SERPINA3: variants seen among roughly 807,000 people sequenced by gnomAD.
The protein encoded by SERPINA3 is serpin family A member 3.
Under a neutral mutation model 26.8 loss-of-function variants are expected in SERPINA3, and 32 were observed. The ratio of observed to expected loss-of-function variants is 1.20; its 90% CI spans 0.90 to 1.61. SERPINA3 has a LOEUF of 1.61. Ranked by LOEUF, SERPINA3 falls within the 40% of genes most tolerant of loss-of-function variation. The pLI is 0.00. For synonymous variants in SERPINA3, 252 were observed against 206.4 expected, an observed-to-expected ratio of 1.22 and a Z score of -1.89; for missense variants, 632 against 517.9, an observed-to-expected ratio of 1.22 and a Z score of -2.14.
Position 94,622,496 on chromosome 14 carries a change from G to C in SERPINA3, c.1068+5G>C. 6.2e-7 allele frequency: 1 copy of C among 1,614,014 alleles called. No individual in the cohort carries two copies. Among genetic ancestry groups the C allele is most frequent in the Non-Finnish European group, 8.5e-7 (1 of 1,179,968 alleles). ...AGGAACCTAGCAGTCTCCCAGGTGA[G>C]TCTTTAGACTTGGGTCAATTCATCC... On this transcript the variant is annotated splice_donor_5th_base_variant and intron_variant, in intron 4 of 4. Coordinates refer to ENST00000393078, the MANE Select transcript of SERPINA3 (RefSeq NM_001085.5).
chr14:94,622,690 C>G (rs1198098298), intron 4 of SERPINA3, 199 bp downstream of exon 4: 2 of 646,320 alleles, frequency 3.1e-6, no homozygotes, highest in Admixed American at 4.4e-5. Context: ...GGGGTTGAGC[C>G]TCTACAACAT....
Position 94,619,430 on chromosome 14 carries a change from A to C in SERPINA3, c.879A>C (p.Pro293=). The change falls in exon 3 of 5, where the codon CCA becomes CCC. Residue 293 remains proline (P), a synonymous_variant. Coordinates refer to ENST00000393078, the MANE Select transcript of SERPINA3 (RefSeq NM_001085.5). The stretch of plus-strand genomic sequence containing the variant: ...AGGAAGTGGAAGCCATGCTGCTCCC[A>C]GAGACCCTGAAGCGGTGGAGAGACT... ...KMEEVEAMLL[P]ETLKRWRDSL... 1 of 1,614,170 alleles carries C rather than the reference A, an allele frequency of 6.2e-7. No homozygotes were observed. Among genetic ancestry groups the C allele is most frequent in the East Asian group, 2.2e-5 (1 of 44,866 alleles).
At chr14:94,616,394 G>C (rs986288787) in intron 2 of SERPINA3, among the ~76,000 whole-genome samples, 1 of 152,216 alleles carries the variant, frequency 6.6e-6, no homozygotes, top group African/African-American at 2.4e-5. Flanking sequence ...TGCCAGTTTT[G>C]CTCCCTGCCT....
At chr14:94,619,737 C>A in intron 3 of SERPINA3, 1 of 526,358 alleles carries the variant, frequency 1.9e-6, no homozygotes, top group Non-Finnish European at 3.4e-6. Flanking sequence ...CCCAAACACT[C>A]ATGCATGGTT....
chr14:94,615,651 A>T (rs1367009332), intron 2 of SERPINA3: 8 of 309,760 alleles, frequency 2.6e-5, no homozygotes, highest in South Asian at 7.6e-5. Context: ...TAATTATTTT[A>T]AAAAATATGT....
Position 94,612,414 on chromosome 14 carries a change from GAA to G in SERPINA3, c.-41_-40del, listed in dbSNP as rs1566845281. 1 of 1,366,078 alleles carries G rather than the reference GAA, an allele frequency of 7.3e-7. No homozygotes were observed. Among genetic ancestry groups the G allele is most frequent in the South Asian group, 1.1e-5 (1 of 87,856 alleles). 84.6% of individuals were successfully genotyped at this position (1,366,078 alleles called of 1,614,324 possible). On this transcript the variant is annotated 5_prime_UTR_variant, in exon 1 of 5. Transcript: ENST00000393078. The stretch of plus-strand genomic sequence containing the variant: ...CCACTACTCCAGACAGACGGCTTTG[GAA>G]TCCACCAGCTACATCCAGCTCCCTG...
chr14:94,615,682 G>A (rs774636063), intron 2 of SERPINA3, among the ~76,000 whole-genome samples: 11 of 152,226 alleles, frequency 7.2e-5, no homozygotes, highest in Non-Finnish European at 1.2e-4. Flanking sequence ...TAACAAATGA[G>A]GGCAGAAATG....
At position 94,619,497 on chromosome 14, in the gene SERPINA3, A is replaced by G. The variant is rs768096820; in HGVS notation, c.917+29A>G. ...ATTCTTCCTGGCCCCCAAAGACCCC[A>G]CATCTCTCCACGTCAAGGTCTCACC... On this transcript the variant is annotated intron_variant, in intron 3 of 4. Coordinates refer to ENST00000393078, the MANE Select transcript of SERPINA3 (RefSeq NM_001085.5). The G allele has an allele frequency of 7.4e-6, 12 of 1,613,224 alleles. No individual in the cohort carries two copies. In the Admixed American group the frequency reaches 1.2e-4, roughly 16 times the overall value.
Position 94,623,836 on chromosome 14 carries a change from G to GCT in SERPINA3, c.*26_*27dup, listed in dbSNP as rs1202813409. 6.2e-7 allele frequency: 1 copy of GCT among 1,607,688 alleles called. No individual in the cohort carries two copies. The highest frequency in any genetic ancestry group is 1.3e-5 in the African/African-American group (1 of 74,800). ...CTAGAGCTTGCCATCAAGCAGTGGG[G>GCT]CTCTCAGTAAGGAACTTGGAATGCA... On this transcript the variant is annotated 3_prime_UTR_variant, in exon 5 of 5. Coordinates refer to ENST00000393078, the MANE Select transcript of SERPINA3 (RefSeq NM_001085.5).
chr14:94,615,278 C>A (rs1885951052), intron 2 of SERPINA3, among the ~76,000 whole-genome samples, 194 bp downstream of exon 2: 1 of 152,252 alleles, frequency 6.6e-6, no homozygotes, highest in Non-Finnish European at 1.5e-5. Context: ...TACAGTTTGT[C>A]CTTGGAAGAC....
rs550775093 is a variant in SERPINA3 at position 94,614,869 on chromosome 14, T to G, written c.428T>G (p.Val143Gly). The G allele has an allele frequency of 6.2e-7, 1 of 1,614,150 alleles. No homozygotes were observed. The highest frequency in any genetic ancestry group is 2.2e-5 in the East Asian group (1 of 44,870). ...LQLSMGNAMFVKEQLSLLDRF... is the reference protein window; with the variant it reads ...LQLSMGNAMFGKEQLSLLDRF... Reference sequence around the variant, plus strand: ...CTGAGTATGGGAAATGCCATGTTTGTCAAAGAGCAACTCAGTCTGCTGGAC... The same window carrying G: ...CTGAGTATGGGAAATGCCATGTTTGGCAAAGAGCAACTCAGTCTGCTGGAC... The change falls in exon 2 of 5, where the codon GTC (valine) becomes GGC (glycine). Residue 143 changes from valine to glycine, a missense_variant. Transcript: ENST00000393078.
At position 94,622,423 on chromosome 14, in the gene SERPINA3, G is replaced by A; in HGVS notation, c.1000G>A (p.Glu334Lys). Residue 334 changes from glutamate (E) to lysine (K), a missense_variant, in exon 4 of 5, where the codon GAG (glutamate) becomes AAG (lysine). Coordinates refer to ENST00000393078, the MANE Select transcript of SERPINA3 (RefSeq NM_001085.5). ...LNDILLQLGI[E>K]EAFTSKADLS... ...CGACATACTTCTCCAGCTGGGCATT[G>A]AGGAAGCCTTCACCAGCAAGGCTGA... is the stretch of plus-strand genomic sequence containing the variant. The A allele has an allele frequency of 1.6e-5, 26 of 1,614,132 alleles. No individual in the cohort carries two copies. Among genetic ancestry groups the A allele is most frequent in the Non-Finnish European group, 2.1e-5 (25 of 1,180,016 alleles).
Position 94,619,265 on chromosome 14 carries a change from G to A in SERPINA3, c.714G>A (p.Trp238Ter). The change falls in exon 3 of 5, where the codon TGG (tryptophan) becomes TGA (stop). Residue 238 changes from tryptophan to a stop codon, truncating the protein, a stop_gained. Transcript: ENST00000393078. LOFTEE classifies it high-confidence loss of function. ...QSRFYLSKKK[W>*]VMVPMMSLHH... The stretch of plus-strand genomic sequence containing the variant: ...GGTTCTACTTGAGCAAGAAAAAGTG[G>A]GTAATGGTGCCCATGATGAGTTTGC... 6.2e-7 allele frequency: 1 copy of A among 1,614,106 alleles called. No homozygotes were observed. The highest frequency in any genetic ancestry group is 8.5e-7 in the Non-Finnish European group (1 of 1,180,002).
intron 3 of SERPINA3, among the ~76,000 whole-genome samples, chr14:94,620,684 A>T (rs1188089158): frequency 6.6e-6 from 1 of 152,222 alleles, no homozygotes; most frequent in East Asian, 1.9e-4. Flanking sequence ...GGGATCCAGG[A>T]GGGAGCCATG....
intron 3 of SERPINA3, 91 bp from the exon 4 acceptor site, chr14:94,622,250 G>T (rs991831633): frequency 8.2e-7 from 1 of 1,217,792 alleles, no homozygotes; most frequent in East Asian, 2.3e-5. Context: ...GGTGACTGTA[G>T]AGGAAACCAG....
intron 1 of SERPINA3, among the ~76,000 whole-genome samples, chr14:94,612,719 C>T (rs531275509): frequency 1.3e-5 from 2 of 152,300 alleles, no homozygotes; most frequent in East Asian, 1.9e-4. Flanking sequence ...CTTACAGATT[C>T]GGATTTGAGT....
chr14:94,622,364 C>T lies in SERPINA3; in HGVS notation c.941C>T (p.Pro314Leu), dbSNP rs1255216588. The T allele has an allele frequency of 6.2e-7, 1 of 1,613,904 alleles. No homozygotes were observed. The highest frequency in any genetic ancestry group is 8.5e-7 in the Non-Finnish European group (1 of 1,179,992). ...AGAGAGATAGGTGAGCTCTACCTGC[C>T]AAAGTTTTCCATCTCGAGGGACTAT... ...EFREIGELYLPKFSISRDYNL... is the reference protein window; with the variant it reads ...EFREIGELYLLKFSISRDYNL... Residue 314 changes from proline to leucine, a missense_variant, in exon 4 of 5, where the codon CCA becomes CTA. By Grantham distance (98) the Pro-to-Leu change is moderately conservative (BLOSUM62 -3). Transcript: ENST00000393078.
chr14:94,615,914 A>C (rs1440705976), intron 2 of SERPINA3, among the ~76,000 whole-genome samples: 1 of 152,186 alleles, frequency 6.6e-6, no homozygotes, highest in African/African-American at 2.4e-5. Flanking sequence ...GGACACAAAG[A>C]GTGATCACTG....
chr14:94,618,918 A>ACTTTCCCCC, intron 2 of SERPINA3: 1 of 524,024 alleles, frequency 1.9e-6, no homozygotes, highest in Non-Finnish European at 3.5e-6. Flanking sequence ...ACTTTCCCTA[A>ACTTTCCCCC]ACCTTCTTTC....
Sources: gnomAD v4.1 joint callset for allele counts (sites outside exome capture counted in the v4.1 genomes callset) on GRCh38, gnomAD v4.1.1 for gene constraint, MANE v1.5 for transcripts, NCBI Gene and HGNC (gene_info 2026-07-23, HGNC 2026-07-21) for gene names.